Variants in TNFRSF10B observed in about 807,000 individuals in gnomAD.
The protein encoded by TNFRSF10B is TNF receptor superfamily member 10b, also known as tumor necrosis factor receptor superfamily member 10B.
A neutral mutation model predicts 41.4 loss-of-function variants in TNFRSF10B; 35 were observed. That is an observed-to-expected ratio of 0.85 (90% CI 0.65 to 1.12). The LOEUF (loss-of-function observed/expected upper bound fraction) is 1.12. TNFRSF10B is among the 50% of genes most tolerant of loss of function. The pLI, the probability that TNFRSF10B is intolerant of heterozygous loss-of-function variation, is 0.00. For synonymous variants in TNFRSF10B, 230 were observed against 215.5 expected (o/e 1.07, Z -0.59); for missense variants, 584 against 552.7 (o/e 1.06, Z -0.57).
Position 23,068,790 on chromosome 8 carries a change from G to A in TNFRSF10B, c.105C>T (p.Pro35=). The change falls in exon 1 of 9, where the codon CCC becomes CCT. Residue 35 remains proline (P), a synonymous_variant. Coordinates refer to ENST00000276431, the MANE Select transcript of TNFRSF10B (RefSeq NM_003842.5). ...ARGARPGPRV[P]KTLVLVVAAV... ...CGGCGACAACGAGCACAAGGGTCTT[G>A]GGGACCCGGGGCCCAGGCCTGGCTC... is the stretch of plus-strand genomic sequence containing the variant. 1 of 1,607,444 alleles carries A rather than the reference G, an allele frequency of 6.2e-7. No individual in the cohort carries two copies. The highest frequency in any genetic ancestry group is 1.7e-4 in the Middle Eastern group (1 of 6,050).
chr8:23,033,620 A>AAAAAAAAAAAAAAAAAAAG (rs1563310598), intron 2 of TNFRSF10B, among the ~76,000 whole-genome samples: 1 of 107,668 alleles, frequency 9.3e-6, no homozygotes, highest in African/African-American at 3.2e-5. Flanking sequence ...AAAAAAAAAA[A>AAAAAAAAAAAAAAAAAAAG]AGAACCCTGG....
At chr8:23,063,456 G>A (rs1354640078) in intron 1 of TNFRSF10B, among the ~76,000 whole-genome samples, 1 of 151,686 alleles carries the variant, frequency 6.6e-6, no homozygotes, top group African/African-American at 2.4e-5. Context: ...TGCCCATACT[G>A]TCTCCAATAG....
intron 7 of TNFRSF10B, among the ~76,000 whole-genome samples, chr8:23,025,031 G>A (rs751471730): frequency 1.7e-4 from 26 of 152,150 alleles, no homozygotes; most frequent in Non-Finnish European, 2.6e-4. Context: ...CAAAACTGTC[G>A]TCCGAGCTAC....
At position 23,044,384 on chromosome 8, in the gene TNFRSF10B, C is replaced by A. The variant is rs1015983999; in HGVS notation, c.145-1141G>T. Among the ~76,000 whole-genome samples the A allele has an allele frequency of 2.0e-5, 3 of 151,964 alleles. No homozygotes were observed. In the South Asian group the frequency reaches 6.2e-4, roughly 32 times the overall value. ...TGATGATCAACAGTGAAGGGGCAAC[C>A]CACAGGAAGAGGAAAACATTTGCTA... On this transcript the variant is annotated intron_variant, in intron 1 of 8. Transcript: ENST00000276431.
intron 1 of TNFRSF10B, chr8:23,068,389 G>A: frequency 3.0e-6 from 1 of 336,454 alleles, no homozygotes; most frequent in Admixed American, 4.7e-5. Flanking sequence ...GGGAAAGAAA[G>A]GAAGAAAGAG....
rs141364114 is a variant in TNFRSF10B, at chr8:23,067,822, C to T, written c.144+929G>A. Among the ~76,000 whole-genome samples the T allele has an allele frequency of 3.6e-3, 541 of 152,314 alleles. 5 individuals carry two copies. The highest frequency in any genetic ancestry group is 0.012 in the African/African-American group (519 of 41,562). ...CACTGTTCCTCCTCTCCCTTCCAGCCCCTCTGTACAGTCTTGAGTTAGGTC... is the reference window on the plus strand; with the variant it reads ...CACTGTTCCTCCTCTCCCTTCCAGCTCCTCTGTACAGTCTTGAGTTAGGTC... On this transcript the variant is annotated intron_variant, in intron 1 of 8. Coordinates refer to ENST00000276431, the MANE Select transcript of TNFRSF10B (RefSeq NM_003842.5).
At chr8:23,044,388 A>T (rs961878524) in intron 1 of TNFRSF10B, among the ~76,000 whole-genome samples, 6 of 152,224 alleles carry the variant, frequency 3.9e-5, no homozygotes, top group African/African-American at 1.2e-4. Flanking sequence ...GGCAACCCAC[A>T]GGAAGAGGAA....
At chr8:23,038,892 G>C (rs1442310106) in intron 2 of TNFRSF10B, among the ~76,000 whole-genome samples, 1 of 152,004 alleles carries the variant, frequency 6.6e-6, no homozygotes, top group East Asian at 1.9e-4. Flanking sequence ...GGAGTTGGGG[G>C]CATGGGGATG....
intron 4 of TNFRSF10B, among the ~76,000 whole-genome samples, 184 bp from the exon 5 acceptor site, chr8:23,028,786 C>A (rs766778551): frequency 6.6e-6 from 1 of 152,200 alleles, no homozygotes; most frequent in Admixed American, 6.5e-5. Flanking sequence ...TCTGAGCATG[C>A]GCACTTCAGC....
In TNFRSF10B at chr8:23,022,368, T is replaced by G; in HGVS notation, c.*303A>C. 1.9e-6 allele frequency: 1 copy of G among 517,450 alleles called. No homozygotes were observed. Among genetic ancestry groups the G allele is most frequent in the Non-Finnish European group, 3.7e-6 (1 of 268,730 alleles). 32.1% of individuals were successfully genotyped at this position (517,450 alleles called of 1,614,324 possible). A position where few individuals can be genotyped will look rare whatever the true frequency, so the allele number is the denominator to read the frequency against. ...CAAATAAATAAATAAAGCATTTACATTAGGATAAAAAAGTGCTGTGAAAAC... is the reference window on the plus strand; with the variant it reads ...CAAATAAATAAATAAAGCATTTACAGTAGGATAAAAAAGTGCTGTGAAAAC... On this transcript the variant is annotated 3_prime_UTR_variant, in exon 9 of 9. Transcript: ENST00000276431.
At chr8:23,060,157 G>A (rs149850885) in intron 1 of TNFRSF10B, among the ~76,000 whole-genome samples, 1 of 148,902 alleles carries the variant, frequency 6.7e-6, no homozygotes, top group Non-Finnish European at 1.5e-5. Context: ...AGTCCAAAAT[G>A]TTTATTTTTT....
chr8:23,023,218 T>C (rs770056971), intron 8 of TNFRSF10B, among the ~76,000 whole-genome samples: 1 of 151,958 alleles, frequency 6.6e-6, no homozygotes, highest in Admixed American at 6.6e-5. Flanking sequence ...TCAGCCCTCA[T>C]ACAGGGCTGA....
At position 23,028,525 on chromosome 8, in the gene TNFRSF10B, G is replaced by C. The variant is rs1216121356; in HGVS notation, c.554C>G (p.Thr185Arg). Residue 185 changes from threonine (T) to arginine (R), a missense_variant, in exon 5 of 9, where the codon ACA (threonine) becomes AGA (arginine). By Grantham distance (71) the Thr-to-Arg change is moderately conservative. Coordinates refer to ENST00000276431, the MANE Select transcript of TNFRSF10B (RefSeq NM_003842.5). ...DIECVHKESG[T>R]KHSGEVPAVE... is the part of the protein sequence containing the mutation. ...AGCTGGGACTTCCCCACTGTGCTTT[G>C]TACCTGATTCTTTGTGGACACATTC... 1 of 1,614,096 alleles carries C rather than the reference G, an allele frequency of 6.2e-7. No homozygotes were observed. The highest frequency in any genetic ancestry group is 1.1e-5 in the South Asian group (1 of 91,078).
chr8:23,024,181 CACTT>C lies in TNFRSF10B; in HGVS notation c.1009+3_1009+6del. 7 of 1,614,096 alleles carry C rather than the reference CACTT, an allele frequency of 4.3e-6. No individual in the cohort carries two copies. Among genetic ancestry groups the C allele is most frequent in the Non-Finnish European group, 5.9e-6 (7 of 1,179,972 alleles). ...TCCTGCTGCATCTCCAGGAGCAAAA[CACTT>C]ACTCTCAGTGGGATCACCTTCATTT... On this transcript the variant is annotated splice_donor_5th_base_variant and intron_variant, in intron 8 of 8. Transcript: ENST00000276431.
chr8:23,031,794 T>C (rs1811892354), intron 2 of TNFRSF10B, among the ~76,000 whole-genome samples: 1 of 152,142 alleles, frequency 6.6e-6, no homozygotes, highest in African/African-American at 2.4e-5. Context: ...CCCCAGATAA[T>C]ATCACTTAAA....
intron 1 of TNFRSF10B, among the ~76,000 whole-genome samples, chr8:23,061,343 TCC>T: frequency 6.6e-6 from 1 of 152,322 alleles, no homozygotes; most frequent in South Asian, 2.1e-4. Flanking sequence ...GTTTGAAATC[TCC>T]CAGATTGCAA....
intron 1 of TNFRSF10B, among the ~76,000 whole-genome samples, chr8:23,053,298 C>G (rs973516378): frequency 2.0e-5 from 3 of 151,970 alleles, no homozygotes; most frequent in African/African-American, 4.8e-5. Context: ...AAGGTTTTCA[C>G]CAAAAGAAAA....
chr8:23,036,060 T>A (rs180987893), intron 2 of TNFRSF10B, among the ~76,000 whole-genome samples: 1 of 144,968 alleles, frequency 6.9e-6, no homozygotes, highest in East Asian at 2.1e-4. Flanking sequence ...CCCTTAGGTT[T>A]TGGAGCAAAG....
In TNFRSF10B at chr8:23,024,214, G is replaced by A. The variant is rs769809226; in HGVS notation, c.983C>T (p.Pro328Leu). 2.5e-6 allele frequency: 4 copies of A among 1,614,118 alleles called. No individual in the cohort carries two copies. The East Asian group carries it at 8.9e-5, about 36-fold the overall frequency. The change falls in exon 8 of 9, where the codon CCA (proline) becomes CTA (leucine). Residue 328 changes from proline to leucine, a missense_variant. By Grantham distance (98) the Pro-to-Leu change is moderately conservative. Transcript: ENST00000276431. Reference sequence around the variant, plus strand: ...CTCAGTGGGATCACCTTCATTTGCTGGAACCAGCAGCCTCCTCCTCTGAGA... The same window carrying A: ...CTCAGTGGGATCACCTTCATTTGCTAGAACCAGCAGCCTCCTCCTCTGAGA... ...ERSQRRRLLVPANEGDPTETL... is the reference protein window; with the variant it reads ...ERSQRRRLLVLANEGDPTETL...
Sources: allele counts gnomAD v4.1 joint callset (sites outside exome capture counted in the v4.1 genomes callset), GRCh38; gene constraint gnomAD v4.1.1; transcripts MANE v1.5; gene names NCBI Gene and HGNC (gene_info 2026-07-23, HGNC 2026-07-21).